The following MRPL42 variants were observed in gnomAD, a reference collection of about 807,000 sequenced individuals.
MRPL42 encodes large ribosomal subunit protein mL42.
Under a neutral mutation model 17.9 loss-of-function variants are expected in MRPL42, and 17 were observed. That is an observed-to-expected ratio of 0.95 (90% CI 0.65 to 1.42). MRPL42 has a LOEUF of 1.42. Ranked by LOEUF, MRPL42 falls within the 40% of genes most tolerant of loss-of-function variation. MRPL42 has a pLI of 0.00. For synonymous variants in MRPL42, 59 were observed against 54.4 expected (o/e 1.08, Z -0.37); for missense variants, 177 against 175.2 (o/e 1.01, Z -0.06).
chr12:93,483,069 A>G (rs1880541117), intron 4 of MRPL42, among the ~76,000 whole-genome samples: 1 of 151,904 alleles, frequency 6.6e-6, no homozygotes, highest in Non-Finnish European at 1.5e-5. Context: ...TAATTTTTGT[A>G]TTTTCAGTGG....
At chr12:93,490,584 G>A (rs1385527364) in intron 5 of MRPL42, among the ~76,000 whole-genome samples, 3 of 152,150 alleles carry the variant, frequency 2.0e-5, no homozygotes, top group Admixed American at 6.5e-5. Flanking sequence ...TTGGATTAAT[G>A]TGAGTCATTT....
rs1241393399 is a variant in MRPL42, at chr12:93,489,504, T to C, written c.383+1844T>C. On this transcript the variant is annotated intron_variant, in intron 5 of 5. Transcript: ENST00000549982. Reference sequence around the variant, plus strand: ...TCAATTCCTGCTTCTCTTTTGTATCTCCTTCCTTGATTTTTCCTTCTTATT... The same window carrying C: ...TCAATTCCTGCTTCTCTTTTGTATCCCCTTCCTTGATTTTTCCTTCTTATT... Among the ~76,000 whole-genome samples, 6 of 147,542 alleles carry C rather than the reference T, an allele frequency of 4.1e-5. No individual in the cohort carries two copies. In the East Asian group the frequency reaches 1.2e-3, roughly 29 times the overall value.
chr12:93,484,242 A>G (rs1880599998), intron 4 of MRPL42, among the ~76,000 whole-genome samples: 1 of 152,070 alleles, frequency 6.6e-6, no homozygotes, highest in African/African-American at 2.4e-5. Context: ...TATTATTTTT[A>G]TTATTTAATT....
chr12:93,484,973 C>CATATATATGCATATATATATATATAT (rs1565813713), intron 4 of MRPL42, among the ~76,000 whole-genome samples: 1 of 23,946 alleles, frequency 4.2e-5, no homozygotes, highest in Non-Finnish European at 9.8e-5. Context: ...CACACACACA[C>CATATATATGCATATATATATATATAT]ACACACATAT....
At position 93,469,365 on chromosome 12, in the gene MRPL42, A is replaced by AT. The variant is rs771593088; in HGVS notation, c.70+18dup. 1.5e-5 allele frequency: 23 copies of AT among 1,577,704 alleles called. No homozygotes were observed. Among genetic ancestry groups the AT allele is most frequent in the South Asian group, 4.7e-5 (4 of 85,468 alleles). ...TTATTTCCAGTCCAAAGTAAGTGAA[A>AT]TTTTTTTTAATGTTTAAAAACTTTT... On this transcript the variant is annotated intron_variant, in intron 2 of 5. Coordinates refer to ENST00000549982, the MANE Select transcript of MRPL42 (RefSeq NM_014050.4).
At position 93,504,003 on chromosome 12, in the gene MRPL42, C is replaced by CT. The variant is rs35963955; in HGVS notation, c.*2792dup. Reference sequence around the variant, plus strand: ...TATTTTTTTTTTAAATTTATTTCTTCTTTTTTTTTTCTTATAATCTCATCA... The same window carrying CT: ...TATTTTTTTTTTAAATTTATTTCTTCTTTTTTTTTTTCTTATAATCTCATCA... On this transcript the variant is annotated 3_prime_UTR_variant, in exon 6 of 6. Transcript: ENST00000549982. 0.64 allele frequency: 93,882 copies of CT among 147,146 alleles called. 29,919 individuals are homozygous for CT. Among genetic ancestry groups the CT allele is most frequent in the Non-Finnish European group, 0.68 (45,063 of 66,756 alleles). The allele number at this position is 147,146 out of a possible 1,614,324, so 9.1% of individuals were successfully genotyped here.
At chr12:93,491,789 C>T (rs537687883) in intron 5 of MRPL42, among the ~76,000 whole-genome samples, 1 of 152,230 alleles carries the variant, frequency 6.6e-6, no homozygotes, top group Admixed American at 6.6e-5. Flanking sequence ...TGTCTGTTGT[C>T]CCCAGTGTTT....
chr12:93,496,846 C>T (rs1357125185), intron 5 of MRPL42, among the ~76,000 whole-genome samples: 1 of 151,878 alleles, frequency 6.6e-6, no homozygotes, highest in Non-Finnish European at 1.5e-5. Flanking sequence ...GAGTTCTGCT[C>T]TTGTCCCCCA....
chr12:93,495,861 CACTGGGAAATTT>C (rs1260779100), intron 5 of MRPL42, among the ~76,000 whole-genome samples: 4 of 152,118 alleles, frequency 2.6e-5, no homozygotes, highest in Non-Finnish European at 4.4e-5. Context: ...TTCCAAGAAT[CACTGGGAAATTT>C]ACCAGTGCAT....
At chr12:93,497,249 A>T (rs1174223103) in intron 5 of MRPL42, among the ~76,000 whole-genome samples, 2 of 152,318 alleles carry the variant, frequency 1.3e-5, no homozygotes, top group African/African-American at 4.8e-5. Context: ...CATCATCCTG[A>T]TACCCAAATC....
In MRPL42 at chr12:93,509,948, C is replaced by T. The variant is rs1953711286; in HGVS notation, c.*8727C>T. On this transcript the variant is annotated 3_prime_UTR_variant, in exon 6 of 6. Transcript: ENST00000549982. ...AATTGATAAACCTACACTGACACAT[C>T]ATTATCACCCAAAGCCTATTGTTTC... 6.6e-6 allele frequency: 1 copy of T among 152,150 alleles called. No individual in the cohort carries two copies. Among genetic ancestry groups the T allele is most frequent in the South Asian group, 2.1e-4 (1 of 4,822 alleles). The allele number at this position is 152,150 out of a possible 1,614,324, so 9.4% of individuals were successfully genotyped here. A position where few individuals can be genotyped will look rare whatever the true frequency, so the allele number is the denominator to read the frequency against.
At position 93,505,423 on chromosome 12, in the gene MRPL42, T is replaced by G. The variant is rs541585115; in HGVS notation, c.*4202T>G. 7.9e-5 allele frequency: 12 copies of G among 152,334 alleles called. No individual in the cohort carries two copies. Among genetic ancestry groups the G allele is most frequent in the Admixed American group, 7.8e-4 (12 of 15,296 alleles). 9.4% of individuals were successfully genotyped at this position (152,334 alleles called of 1,614,324 possible). A position where few individuals can be genotyped will look rare whatever the true frequency, so the allele number is the denominator to read the frequency against. On this transcript the variant is annotated 3_prime_UTR_variant, in exon 6 of 6. Transcript: ENST00000549982. Reference sequence around the variant, plus strand: ...CCACAAACACTGGTAGTAAGCAAACTATTTTATTTGCTAAAGGCATAAATA... The same window carrying G: ...CCACAAACACTGGTAGTAAGCAAACGATTTTATTTGCTAAAGGCATAAATA...
In MRPL42 at chr12:93,512,600, T is replaced by TA. The variant is rs1953735146; in HGVS notation, c.*11383dup. 1 of 152,580 alleles carries TA rather than the reference T, an allele frequency of 6.6e-6. No homozygotes were observed. 9.5% of individuals were successfully genotyped at this position (152,580 alleles called of 1,614,324 possible). On this transcript the variant is annotated 3_prime_UTR_variant, in exon 6 of 6. Coordinates refer to ENST00000549982, the MANE Select transcript of MRPL42 (RefSeq NM_014050.4). ...ATGCAACTTGTTTTTTAATGGCAGA[T>TA]AAAATCAAAGAGCAAAAGCAAAAGG... is the stretch of plus-strand genomic sequence containing the variant.
Position 93,479,472 on chromosome 12 carries a change from A to G in MRPL42, c.219A>G (p.Lys73=). The stretch of plus-strand genomic sequence containing the variant: ...TGGACATTCCATATGAACACACAAA[A>G]GTATGTATGAGAAAATTTCTTGCAG... ...PSVDIPYEHT[K]PIPRPDPVHN... Residue 73 remains lysine, a splice_region_variant and synonymous_variant, in exon 4 of 6, where the codon AAA becomes AAG. Coordinates refer to ENST00000549982, the MANE Select transcript of MRPL42 (RefSeq NM_014050.4). The G allele has an allele frequency of 1.3e-6, 2 of 1,597,074 alleles. No homozygotes were observed. The highest frequency in any genetic ancestry group is 1.7e-6 in the Non-Finnish European group (2 of 1,168,436).
chr12:93,496,112 G>A (rs1445929525), intron 5 of MRPL42, among the ~76,000 whole-genome samples: 6 of 152,076 alleles, frequency 3.9e-5, no homozygotes, highest in Non-Finnish European at 5.9e-5. Context: ...AGGCTGGAGC[G>A]CAGTTGCACA....
Position 93,511,925 on chromosome 12 carries a change from A to G in MRPL42, c.*10704A>G, listed in dbSNP as rs1387352807. 1 of 152,224 alleles carries G rather than the reference A, an allele frequency of 6.6e-6. No individual in the cohort carries two copies. Among genetic ancestry groups the G allele is most frequent in the East Asian group, 1.9e-4 (1 of 5,206 alleles). 9.4% of individuals were successfully genotyped at this position (152,224 alleles called of 1,614,324 possible). A position where few individuals can be genotyped will look rare whatever the true frequency, so the allele number is the denominator to read the frequency against. On this transcript the variant is annotated 3_prime_UTR_variant, in exon 6 of 6. Coordinates refer to ENST00000549982, the MANE Select transcript of MRPL42 (RefSeq NM_014050.4). ...TTTTTATTTGAAAAAGTCTTGGTAG[A>G]AAAAGCATATCAACTGAACTGTACA...
intron 5 of MRPL42, chr12:93,488,431 A>G (rs1184236463): frequency 7.6e-6 from 3 of 396,266 alleles, no homozygotes; most frequent in Non-Finnish European, 8.9e-6. Context: ...AAAATGAAAT[A>G]GTACTTCTTT....
In MRPL42 at chr12:93,516,046, C is replaced by A. The variant is rs1277160984; in HGVS notation, c.*14825C>A. On this transcript the variant is annotated 3_prime_UTR_variant, in exon 6 of 6. Transcript: ENST00000549982. ...TTGAGATAATCATGAAATTCTCCTTCTTTCTGATAGTATCCAATCTGGAGC... is the reference window on the plus strand; with the variant it reads ...TTGAGATAATCATGAAATTCTCCTTATTTCTGATAGTATCCAATCTGGAGC... 6.6e-6 allele frequency: 1 copy of A among 152,186 alleles called. No homozygotes were observed. The highest frequency in any genetic ancestry group is 2.4e-5 in the African/African-American group (1 of 41,446). The allele number at this position is 152,186 out of a possible 1,614,324, so 9.4% of individuals were successfully genotyped here.
At chr12:93,471,095 CGAG>C (rs1031182008) in intron 2 of MRPL42, among the ~76,000 whole-genome samples, 1 of 152,114 alleles carries the variant, frequency 6.6e-6, no homozygotes, top group Non-Finnish European at 1.5e-5. Context: ...ATGCTTGAGA[CGAG>C]GAAAATATTT....
Sources: gnomAD v4.1 joint callset for allele counts (sites outside exome capture counted in the v4.1 genomes callset) on GRCh38, gnomAD v4.1.1 for gene constraint, MANE v1.5 for transcripts, NCBI Gene and HGNC (gene_info 2026-07-23, HGNC 2026-07-21) for gene names.